The following SLCO2B1 variants were observed in gnomAD, a reference collection of about 807,000 sequenced individuals.
The protein encoded by SLCO2B1 is solute carrier organic anion transporter family member 2B1, also known as OATP-RP2.
In SLCO2B1, 41 loss-of-function variants were observed where a neutral mutation model predicts 67.3. That is an observed-to-expected ratio of 0.61 (90% confidence interval 0.47 to 0.79). SLCO2B1 has a LOEUF of 0.79. SLCO2B1 is among the 30% of genes least tolerant of loss of function. The pLI is 0.00. For synonymous variants in SLCO2B1, 379 were observed against 381.4 expected, an observed-to-expected ratio of 0.99 and a Z score of 0.07; for missense variants, 837 against 920.1, an observed-to-expected ratio of 0.91 and a Z score of 1.17.
intron 10 of SLCO2B1, among the ~76,000 whole-genome samples, 156 bp downstream of exon 10, chr11:75,196,835 A>C (rs1375578056): frequency 2.0e-5 from 3 of 152,326 alleles, no homozygotes; most frequent in African/African-American, 7.2e-5. Context: ...TATTCTCACA[A>C]TAAGCTTTCA....
intron 6 of SLCO2B1, among the ~76,000 whole-genome samples, chr11:75,171,851 T>G (rs1293745952): frequency 6.6e-6 from 1 of 152,164 alleles, no homozygotes; most frequent in Non-Finnish European, 1.5e-5. Flanking sequence ...TTAATCATCA[T>G]GAAGGTCTGA....
intron 1 of SLCO2B1, among the ~76,000 whole-genome samples, chr11:75,154,206 G>A (rs1226491409): frequency 6.6e-6 from 1 of 150,800 alleles, no homozygotes; most frequent in African/African-American, 2.4e-5. Flanking sequence ...TTACAGGCAT[G>A]AACCACCGCG....
intron 2 of SLCO2B1, among the ~76,000 whole-genome samples, chr11:75,163,538 G>A (rs571171775): frequency 1.4e-3 from 218 of 152,140 alleles, no homozygotes; most frequent in African/African-American, 5.1e-3. Flanking sequence ...TGGGAGGAAA[G>A]TCCAGCCCAG....
intron 1 of SLCO2B1, chr11:75,151,950 A>C (rs1264153696): frequency 6.3e-6 from 1 of 157,776 alleles, no homozygotes; most frequent in East Asian, 1.9e-4. Flanking sequence ...AGACGGGGAC[A>C]GGTGACGGAG....
intron 8 of SLCO2B1, among the ~76,000 whole-genome samples, chr11:75,190,396 G>A (rs1020068047): frequency 6.6e-6 from 1 of 152,214 alleles, no homozygotes; most frequent in Non-Finnish European, 1.5e-5. Flanking sequence ...GAAGGCCGAG[G>A]GAGGAGGAAC....
At chr11:75,179,074 G>GT (rs1231107568) in intron 7 of SLCO2B1, among the ~76,000 whole-genome samples, 4 of 152,054 alleles carry the variant, frequency 2.6e-5, no homozygotes, top group Non-Finnish European at 5.9e-5. Flanking sequence ...TGCAATAAGC[G>GT]TGAGAGTGCA....
intron 7 of SLCO2B1, among the ~76,000 whole-genome samples, chr11:75,182,899 G>A (rs978582156): frequency 6.6e-6 from 1 of 151,950 alleles, no homozygotes; most frequent in Non-Finnish European, 1.5e-5. Flanking sequence ...GTTGGGAAGT[G>A]ATCAGTCTGT....
chr11:75,156,982 T>A (rs925852959), intron 1 of SLCO2B1: 2 of 152,314 alleles, frequency 1.3e-5, no homozygotes, highest in African/African-American at 4.8e-5. Context: ...AAGGTCATTA[T>A]GATCTGTACC....
chr11:75,198,127 T>C (rs1290255847), intron 10 of SLCO2B1, among the ~76,000 whole-genome samples: 1 of 152,150 alleles, frequency 6.6e-6, no homozygotes, highest in Non-Finnish European at 1.5e-5. Flanking sequence ...CTGTTGATGG[T>C]GCATAGTCCT....
chr11:75,197,462 G>A (rs757963252), intron 10 of SLCO2B1, among the ~76,000 whole-genome samples: 4 of 152,358 alleles, frequency 2.6e-5, no homozygotes, highest in South Asian at 2.1e-4. Context: ...ACATGCGCAA[G>A]CATGCACACA....
At position 75,178,149 on chromosome 11, in the gene SLCO2B1, A is replaced by G. The variant is rs188386971; in HGVS notation, c.972+5580A>G. 2.1e-3 allele frequency among the ~76,000 whole-genome samples: 313 copies of G among 152,202 alleles called. 5 individuals are homozygous for G. Among genetic ancestry groups the G allele is most frequent in the African/African-American group, 7.3e-3 (304 of 41,520 alleles). On this transcript the variant is annotated intron_variant, in intron 7 of 13. Transcript: ENST00000289575. Reference sequence around the variant, plus strand: ...CCAAACGCAAGTTCTGTTTAGACCAATCATTCTCAGGGTATGCTTAAGAAG... The same window carrying G: ...CCAAACGCAAGTTCTGTTTAGACCAGTCATTCTCAGGGTATGCTTAAGAAG...
At chr11:75,166,640 C>T (rs1273597976) in intron 4 of SLCO2B1, among the ~76,000 whole-genome samples, 1 of 151,296 alleles carries the variant, frequency 6.6e-6, no homozygotes, top group Non-Finnish European at 1.5e-5. Context: ...CCACCTACTA[C>T]TCATCCATCT....
At chr11:75,163,746 C>T (rs964139873) in intron 2 of SLCO2B1, among the ~76,000 whole-genome samples, 2 of 151,918 alleles carry the variant, frequency 1.3e-5, no homozygotes, top group Non-Finnish European at 2.9e-5. Context: ...CTCCTCTGGC[C>T]TTTCTTCCCT....
At chr11:75,151,438 C>G in intron 1 of SLCO2B1, 41 bp downstream of exon 1, 1 of 1,610,144 alleles carries the variant, frequency 6.2e-7, no homozygotes, top group Non-Finnish European at 8.5e-7. Context: ...GGAGAGCAAG[C>G]CTGGGGGACA....
At chr11:75,192,897 T>A (rs193053541) in intron 8 of SLCO2B1, among the ~76,000 whole-genome samples, 6 of 152,046 alleles carry the variant, frequency 3.9e-5, no homozygotes, top group African/African-American at 1.4e-4. Context: ...ACACAAAAAT[T>A]AGCCAGCATG....
intron 7 of SLCO2B1, among the ~76,000 whole-genome samples, chr11:75,176,755 C>A (rs569288216): frequency 6.6e-6 from 1 of 152,186 alleles, no homozygotes; most frequent in Non-Finnish European, 1.5e-5. Flanking sequence ...AGCCAGGAGG[C>A]CTCCATTTCC....
chr11:75,189,546 T>G (rs1319084331), intron 8 of SLCO2B1, among the ~76,000 whole-genome samples: 3 of 152,204 alleles, frequency 2.0e-5, no homozygotes, highest in Non-Finnish European at 2.9e-5. Flanking sequence ...TAAATTGAGC[T>G]GCCTGTGGTT....
chr11:75,189,908 G>C (rs72998554), intron 8 of SLCO2B1, among the ~76,000 whole-genome samples: 6,085 of 151,536 alleles, frequency 0.04, 185 homozygotes, highest in Non-Finnish European at 0.061. Flanking sequence ...GCTGCAATGA[G>C]CTGTGATCTG....
At position 75,204,465 on chromosome 11, in the gene SLCO2B1, T is replaced by A; in HGVS notation, c.2015T>A (p.Val672Asp). The A allele has an allele frequency of 6.2e-7, 1 of 1,613,398 alleles. No individual in the cohort carries two copies. Among genetic ancestry groups the A allele is most frequent in the Non-Finnish European group, 8.5e-7 (1 of 1,179,646 alleles). The stretch of plus-strand genomic sequence containing the variant: ...ATCTGCTTCGCCTTAGTTTTGGCTG[T>A]CCTGAGGCAGCAGGACAAAGAGGCA... The part of the protein sequence containing the change: ...SVICFALVLA[V>D]LRQQDKEART... Residue 672 changes from valine (V) to aspartate (D), a missense_variant, in exon 14 of 14, where the codon GTC becomes GAC. Physicochemically the swap from Val to Asp is radical, Grantham distance 152. Coordinates refer to ENST00000289575, the MANE Select transcript of SLCO2B1 (RefSeq NM_007256.5).
Sources: allele counts gnomAD v4.1 joint callset (sites outside exome capture counted in the v4.1 genomes callset), GRCh38; gene constraint gnomAD v4.1.1; transcripts MANE v1.5; gene names NCBI Gene and HGNC (gene_info 2026-07-23, HGNC 2026-07-21).